Variants in COX7B2 observed in about 807,000 individuals in gnomAD.
The protein encoded by COX7B2 is cytochrome c oxidase subunit 7B2.
For synonymous variants in COX7B2, 37 were observed against 32.1 expected (o/e 1.15, Z -0.51); for missense variants, 109 against 95.9 (o/e 1.14, Z -0.57).
chr4:46,851,246 T>C (rs1716659937), intron 1 of COX7B2, among the ~76,000 whole-genome samples: 1 of 152,034 alleles, frequency 6.6e-6, no homozygotes, highest in Non-Finnish European at 1.5e-5. Context: ...CCAGAAAAGA[T>C]AAAGAAATTG....
chr4:46,845,435 C>T (rs946024132), intron 1 of COX7B2, among the ~76,000 whole-genome samples: 2 of 151,910 alleles, frequency 1.3e-5, no homozygotes, highest in Non-Finnish European at 2.9e-5. Flanking sequence ...CAGAAATGGA[C>T]TTCTCTAATG....
At chr4:46,898,454 G>A (rs1719900345) in intron 1 of COX7B2, among the ~76,000 whole-genome samples, 1 of 151,944 alleles carries the variant, frequency 6.6e-6, no homozygotes, top group African/African-American at 2.4e-5. Context: ...GTCTTGCTCT[G>A]TCACCCAGTC....
intron 2 of COX7B2, among the ~76,000 whole-genome samples, chr4:46,749,843 G>A (rs887991620): frequency 6.6e-6 from 1 of 152,064 alleles, no homozygotes; most frequent in Non-Finnish European, 1.5e-5. Context: ...TAACACACTG[G>A]GAATAATAAT....
intron 2 of COX7B2, among the ~76,000 whole-genome samples, chr4:46,799,395 A>G (rs1718533104): frequency 6.6e-6 from 1 of 152,018 alleles, no homozygotes; most frequent in East Asian, 1.9e-4. Context: ...TTCCAAAACT[A>G]TATTGAATTC....
At chr4:46,836,124 C>T (rs1480322597) in intron 2 of COX7B2, among the ~76,000 whole-genome samples, 2 of 152,084 alleles carry the variant, frequency 1.3e-5, no homozygotes, top group African/African-American at 4.8e-5. Context: ...CATTACTGTA[C>T]ACTACTGTAG....
intron 1 of COX7B2, among the ~76,000 whole-genome samples, chr4:46,874,553 C>A (rs1179717522): frequency 1.3e-5 from 2 of 152,158 alleles, no homozygotes; most frequent in Non-Finnish European, 2.9e-5. Context: ...CATATCAATT[C>A]TCTTGTGTGG....
intron 2 of COX7B2, among the ~76,000 whole-genome samples, chr4:46,794,552 C>G (rs1008536703): frequency 6.6e-6 from 1 of 152,012 alleles, no homozygotes; most frequent in South Asian, 2.1e-4. Flanking sequence ...GAGGGGAGCC[C>G]CAGCATCCTT....
In COX7B2 at chr4:46,871,718, A is replaced by G. The variant is rs562703498; in HGVS notation, c.-104-26704T>C. On this transcript the variant is annotated intron_variant, in intron 1 of 2. Coordinates refer to ENST00000355591, the MANE Select transcript of COX7B2 (RefSeq NM_130902.3). ...AAGAAGACATACATGTGGCCAAACA[A>G]CCATATGAAAAAAAGCTCCATGTAA... is the stretch of plus-strand genomic sequence containing the variant. 1.6e-4 allele frequency among the ~76,000 whole-genome samples: 24 copies of G among 152,176 alleles called. No individual in the cohort carries two copies. In the South Asian group the frequency reaches 5.0e-3, roughly 32 times the overall value.
chr4:46,831,383 C>T (rs187832016), intron 2 of COX7B2, among the ~76,000 whole-genome samples: 11 of 152,276 alleles, frequency 7.2e-5, no homozygotes, highest in Middle Eastern at 3.4e-3. Flanking sequence ...GTGCCACCCC[C>T]GGCTCCACGG....
At chr4:46,896,416 A>G (rs7678824) in intron 1 of COX7B2, among the ~76,000 whole-genome samples, 1 of 152,136 alleles carries the variant, frequency 6.6e-6, no homozygotes, top group Admixed American at 6.5e-5. Context: ...AATGCAATAA[A>G]TAATTAAAGC....
chr4:46,875,445 G>C (rs1425687154), intron 1 of COX7B2, among the ~76,000 whole-genome samples: 1 of 152,040 alleles, frequency 6.6e-6, no homozygotes, highest in Non-Finnish European at 1.5e-5. Context: ...TAACATCATA[G>C]CTCAATTCTG....
intron 1 of COX7B2, among the ~76,000 whole-genome samples, chr4:46,907,719 A>G (rs1037494214): frequency 6.6e-5 from 10 of 151,888 alleles, no homozygotes; most frequent in African/African-American, 2.2e-4. Flanking sequence ...TGTGAGATAA[A>G]AAAAAAAATA....
At chr4:46,902,287 C>A (rs1161130697) in intron 1 of COX7B2, among the ~76,000 whole-genome samples, 1 of 152,132 alleles carries the variant, frequency 6.6e-6, no homozygotes, top group African/African-American at 2.4e-5. Context: ...CATATAACTC[C>A]CTTAACTACT....
intron 1 of COX7B2, among the ~76,000 whole-genome samples, chr4:46,900,570 T>C (rs933211284): frequency 6.6e-6 from 1 of 152,064 alleles, no homozygotes; most frequent in Non-Finnish European, 1.5e-5. Context: ...AGAATAAAAT[T>C]AATAAAAACA....
intron 2 of COX7B2, among the ~76,000 whole-genome samples, chr4:46,798,841 C>G (rs1482225827): frequency 6.6e-6 from 1 of 152,106 alleles, no homozygotes; most frequent in East Asian, 1.9e-4. Context: ...AAAGTAGTAG[C>G]CAAATGCCCA....
At chr4:46,802,484 G>C (rs561707213) in intron 2 of COX7B2, among the ~76,000 whole-genome samples, 25 of 152,206 alleles carry the variant, frequency 1.6e-4, no homozygotes, top group African/African-American at 3.9e-4. Flanking sequence ...TGATCATAGA[G>C]AATTTTCCAG....
chr4:46,874,687 A>G (rs1045967197), intron 1 of COX7B2, among the ~76,000 whole-genome samples: 17 of 152,162 alleles, frequency 1.1e-4, no homozygotes, highest in African/African-American at 3.9e-4. Flanking sequence ...CACAATATTT[A>G]TCTATGTAGA....
chr4:46,880,851 G>C (rs1718673960), intron 1 of COX7B2, among the ~76,000 whole-genome samples: 1 of 142,090 alleles, frequency 7.0e-6, no homozygotes, highest in African/African-American at 2.6e-5. Context: ...GGTGGGGTTG[G>C]GGGAGGGGGG....
At chr4:46,845,198 G>A (rs1429274294) in intron 1 of COX7B2, among the ~76,000 whole-genome samples, 184 bp from the exon 2 acceptor site, 5 of 151,954 alleles carry the variant, frequency 3.3e-5, no homozygotes, top group East Asian at 3.9e-4. Context: ...AGGAAGCATC[G>A]TAAAGCACAT....
Sources: allele counts gnomAD v4.1 joint callset (sites outside exome capture counted in the v4.1 genomes callset), GRCh38; gene constraint gnomAD v4.1.1; transcripts MANE v1.5; gene names NCBI Gene and HGNC (gene_info 2026-07-23, HGNC 2026-07-21).